The following COL19A1 variants were observed in gnomAD, a reference collection of about 807,000 sequenced individuals.
COL19A1 encodes collagen alpha-1(XIX) chain.
In COL19A1, 159 loss-of-function variants were observed where a neutral mutation model predicts 190.2. The observed-to-expected ratio is 0.84, with a 90% CI of 0.73 to 0.95. COL19A1 has a LOEUF of 0.95. Ranked by LOEUF, COL19A1 falls within the 40% of genes least tolerant of loss-of-function variation. The probability of loss-of-function intolerance (pLI) is 0.00; values close to 1 mark genes in which losing one functional copy is unlikely to be tolerated. For synonymous variants in COL19A1, 509 were observed against 458.9 expected, an observed-to-expected ratio of 1.11 and a Z score of -1.39; for missense variants, 1,418 against 1,431.9, an observed-to-expected ratio of 0.99 and a Z score of 0.16.
chr6:70,109,468 G>A (rs1247828016), intron 16 of COL19A1, among the ~76,000 whole-genome samples: 1 of 151,800 alleles, frequency 6.6e-6, no homozygotes, highest in Non-Finnish European at 1.5e-5. Flanking sequence ...TATAAGAATG[G>A]AAAAGAAGGG....
In COL19A1 at chr6:69,948,988, A is replaced by G. The variant is rs1283640693; in HGVS notation, c.936+10888A>G. On this transcript the variant is annotated intron_variant, in intron 9 of 50. Coordinates refer to ENST00000620364, the MANE Select transcript of COL19A1 (RefSeq NM_001858.6). ...GAAGACACTGTTCCCAGAGAACTTA[A>G]GAAGCTAATATCATAAAGAAGCAGC... Among the ~76,000 whole-genome samples the G allele has an allele frequency of 2.0e-5, 3 of 151,952 alleles. No individual in the cohort carries two copies. In the East Asian group the frequency reaches 5.8e-4, roughly 29 times the overall value.
chr6:70,155,714 T>C (rs571970227), intron 31 of COL19A1, among the ~76,000 whole-genome samples: 1 of 152,318 alleles, frequency 6.6e-6, no homozygotes, highest in African/African-American at 2.4e-5. Flanking sequence ...GTTTTTAAAA[T>C]GGTTTATGCT....
chr6:69,920,978 AT>A (rs375002831), intron 4 of COL19A1, among the ~76,000 whole-genome samples: 1 of 46,948 alleles, frequency 2.1e-5, no homozygotes, highest in East Asian at 6.0e-4. Context: ...TCATATGTAT[AT>A]TCATATATAT....
intron 12 of COL19A1, among the ~76,000 whole-genome samples, 161 bp downstream of exon 12, chr6:70,023,841 G>A (rs1440942820): frequency 6.6e-6 from 1 of 152,214 alleles, no homozygotes; most frequent in Non-Finnish European, 1.5e-5. Context: ...TAGAGGCCCA[G>A]TGTTTTTAGT....
intron 2 of COL19A1, among the ~76,000 whole-genome samples, chr6:69,895,362 C>G (rs1353592338): frequency 6.6e-6 from 1 of 152,224 alleles, no homozygotes; most frequent in Non-Finnish European, 1.5e-5. Context: ...ATTTCACTCA[C>G]CACTTCTTGA....
intron 11 of COL19A1, among the ~76,000 whole-genome samples, chr6:69,964,931 A>G (rs3805972): frequency 2.5e-4 from 38 of 152,294 alleles, no homozygotes; most frequent in South Asian, 1.7e-3. Flanking sequence ...AGTTTTTTCA[A>G]TGTTAGCATG....
chr6:69,947,738 G>C (rs1046533375), intron 9 of COL19A1, among the ~76,000 whole-genome samples: 2 of 151,782 alleles, frequency 1.3e-5, no homozygotes, highest in African/African-American at 4.8e-5. Flanking sequence ...TTTTCAGACA[G>C]ATATTTTTTC....
chr6:69,976,974 T>C (rs1775746119), intron 11 of COL19A1, among the ~76,000 whole-genome samples: 1 of 152,122 alleles, frequency 6.6e-6, no homozygotes, highest in Non-Finnish European at 1.5e-5. Flanking sequence ...GACAAAGGAT[T>C]AGAGGCTGAT....
intron 19 of COL19A1, among the ~76,000 whole-genome samples, chr6:70,140,325 A>T (rs1196425862): frequency 6.6e-6 from 1 of 152,090 alleles, no homozygotes; most frequent in Non-Finnish European, 1.5e-5. Flanking sequence ...AATAGTTGTT[A>T]TACTGTATTA....
intron 11 of COL19A1, among the ~76,000 whole-genome samples, chr6:69,972,370 G>A (rs1775478897): frequency 6.6e-6 from 1 of 152,044 alleles, no homozygotes; most frequent in Non-Finnish European, 1.5e-5. Flanking sequence ...CTCCAATAGA[G>A]TAGAAGCTTC....
At chr6:70,126,334 C>G (rs1785193862) in intron 17 of COL19A1, among the ~76,000 whole-genome samples, 1 of 152,160 alleles carries the variant, frequency 6.6e-6, no homozygotes. Flanking sequence ...TGTAGGCTCC[C>G]TTGGAGACAC....
At chr6:69,977,109 C>T (rs775102518) in intron 11 of COL19A1, among the ~76,000 whole-genome samples, 3 of 152,122 alleles carry the variant, frequency 2.0e-5, no homozygotes, top group Admixed American at 6.5e-5. Context: ...AAGACACATG[C>T]GCACGTATGT....
intron 18 of COL19A1, among the ~76,000 whole-genome samples, chr6:70,133,350 C>T (rs1255677605): frequency 5.3e-5 from 8 of 152,200 alleles, no homozygotes; most frequent in Admixed American, 3.3e-4. Flanking sequence ...ACACCAGTCA[C>T]CCCTGGTTTA....
chr6:70,045,405 A>G (rs1036834432), intron 14 of COL19A1, among the ~76,000 whole-genome samples: 1 of 151,718 alleles, frequency 6.6e-6, no homozygotes, highest in East Asian at 1.9e-4. Context: ...TCTCCTTAGA[A>G]TGGGTTATGT....
At chr6:70,169,355 A>G (rs919393279) in intron 40 of COL19A1, among the ~76,000 whole-genome samples, 29 of 152,124 alleles carry the variant, frequency 1.9e-4, no homozygotes, top group Non-Finnish European at 2.9e-5. Flanking sequence ...TTCATGTTTC[A>G]TTTGTATATA....
At chr6:69,875,108 A>G (rs973226144) in intron 1 of COL19A1, among the ~76,000 whole-genome samples, 14 of 152,256 alleles carry the variant, frequency 9.2e-5, no homozygotes, top group African/African-American at 3.4e-4. Flanking sequence ...CTAGAGACCA[A>G]TGTGCTTCTT....
chr6:70,197,424 A>C (rs1228610006), intron 48 of COL19A1, among the ~76,000 whole-genome samples: 1 of 152,112 alleles, frequency 6.6e-6, no homozygotes, highest in Non-Finnish European at 1.5e-5. Context: ...CTCTATCTCA[A>C]AAAAGAAAAA....
intron 4 of COL19A1, among the ~76,000 whole-genome samples, chr6:69,909,135 G>C (rs1382552271): frequency 6.6e-6 from 1 of 152,118 alleles, no homozygotes; most frequent in East Asian, 1.9e-4. Flanking sequence ...ATGAAAGTGA[G>C]AAGCTGCAAT....
chr6:70,143,423 G>A (rs1272626495), intron 23 of COL19A1, among the ~76,000 whole-genome samples: 3 of 151,980 alleles, frequency 2.0e-5, no homozygotes, highest in African/African-American at 7.3e-5. Flanking sequence ...TGGGAGCTGC[G>A]AGCTCTCCAT....
Sources: allele counts gnomAD v4.1 joint callset (sites outside exome capture counted in the v4.1 genomes callset), GRCh38; gene constraint gnomAD v4.1.1; transcripts MANE v1.5; gene names NCBI Gene and HGNC (gene_info 2026-07-23, HGNC 2026-07-21).